The following MANBAL variants were observed in gnomAD, a reference collection of about 807,000 sequenced individuals.
MANBAL encodes protein MANBAL.
Under a neutral mutation model 6.4 loss-of-function variants are expected in MANBAL, and 1 was observed. That is an observed-to-expected ratio of 0.16 (90% CI 0.06 to 0.74). MANBAL has a LOEUF of 0.74. Ranked by LOEUF, MANBAL falls within the 30% of genes least tolerant of loss-of-function variation. The probability of loss-of-function intolerance (pLI) is 0.78; values close to 1 mark genes in which losing one functional copy is unlikely to be tolerated. For missense variants in MANBAL, 100 were observed against 107.8 expected (o/e 0.93, Z 0.32); for synonymous variants, 47 against 45.8 (o/e 1.03, Z -0.10).
At chr20:37,290,619 C>T (rs995234072) in intron 1 of MANBAL, among the ~76,000 whole-genome samples, 8 of 152,030 alleles carry the variant, frequency 5.3e-5, no homozygotes, top group Non-Finnish European at 1.0e-4. Flanking sequence ...CCACCACGCC[C>T]GGCTAATTTT....
chr20:37,316,260 T>C, intron 2 of MANBAL, 48 bp from the exon 3 acceptor site: 1 of 1,552,890 alleles, frequency 6.4e-7, no homozygotes, highest in Non-Finnish European at 8.8e-7. Context: ...TTTGCTGGCG[T>C]CAGGCTTGAT....
At chr20:37,316,219 C>A in intron 2 of MANBAL, 89 bp from the exon 3 acceptor site, 1 of 1,205,756 alleles carries the variant, frequency 8.3e-7, no homozygotes, top group Non-Finnish European at 1.2e-6. Context: ...GTTTCTGTGG[C>A]ATGCTTCTTT....
intron 1 of MANBAL, 108 bp from the exon 2 acceptor site, chr20:37,301,100 C>T (rs564183550): frequency 7.0e-5 from 44 of 625,540 alleles, no homozygotes; most frequent in East Asian, 1.7e-4. Flanking sequence ...CATGCCATTG[C>T]ACTCCAGCCT....
chr20:37,306,740 T>C (rs2069267389), intron 2 of MANBAL, among the ~76,000 whole-genome samples: 1 of 152,188 alleles, frequency 6.6e-6, no homozygotes, highest in African/African-American at 2.4e-5. Context: ...GTGGCCATGG[T>C]GAAAAGGATT....
At chr20:37,302,055 T>G (rs530768438) in intron 2 of MANBAL, among the ~76,000 whole-genome samples, 26 of 152,320 alleles carry the variant, frequency 1.7e-4, no homozygotes, top group African/African-American at 6.3e-4. Context: ...CATGGTCAAA[T>G]TGGCTTTTTT....
intron 2 of MANBAL, among the ~76,000 whole-genome samples, chr20:37,308,440 G>C (rs1325015830): frequency 6.6e-6 from 1 of 152,166 alleles, no homozygotes; most frequent in Non-Finnish European, 1.5e-5. Context: ...AGCCAGCCTA[G>C]TCTGACACCA....
chr20:37,300,751 A>T (rs2069115023), intron 1 of MANBAL, among the ~76,000 whole-genome samples: 1 of 152,212 alleles, frequency 6.6e-6, no homozygotes, highest in Non-Finnish European at 1.5e-5. Context: ...AGAATGGTTC[A>T]TTGACTGACC....
rs1250032564 is a variant in MANBAL, at chr20:37,308,065, C to T, written c.150+6652C>T. On this transcript the variant is annotated intron_variant, in intron 2 of 2. Coordinates refer to ENST00000373606, the MANE Select transcript of MANBAL (RefSeq NM_001003897.2). Reference sequence around the variant, plus strand: ...GTCTTTTGCTTTTCTAACTAGGACCCTGCTTCTCTGCTTGCTGGCCCTGTG... The same window carrying T: ...GTCTTTTGCTTTTCTAACTAGGACCTTGCTTCTCTGCTTGCTGGCCCTGTG... Among the ~76,000 whole-genome samples, 3 of 152,202 alleles carry T rather than the reference C, an allele frequency of 2.0e-5. No homozygotes were observed. In the East Asian group the frequency reaches 5.8e-4, roughly 29 times the overall value.
intron 1 of MANBAL, among the ~76,000 whole-genome samples, chr20:37,291,286 A>ATGT (rs139402225): frequency 0.01 from 1,578 of 152,322 alleles, 32 homozygotes; most frequent in African/African-American, 0.035. Context: ...AATATCTGAA[A>ATGT]TGTCACAATT....
At position 37,316,979 on chromosome 20, in the gene MANBAL, C is replaced by CA. The variant is rs1222648101; in HGVS notation, c.*565dup. 6.6e-6 allele frequency: 1 copy of CA among 152,616 alleles called. No individual in the cohort carries two copies. Among genetic ancestry groups the CA allele is most frequent in the African/African-American group, 2.4e-5 (1 of 41,374 alleles). 9.5% of individuals were successfully genotyped at this position (152,616 alleles called of 1,614,324 possible). ...AGAAAATGCCTGGCGTGAGAGCCAG[C>CA]AGACAGCCAGGCCAGGGTAGGCAGT... On this transcript the variant is annotated 3_prime_UTR_variant, in exon 3 of 3. Transcript: ENST00000373606.
intron 2 of MANBAL, among the ~76,000 whole-genome samples, 167 bp from the exon 3 acceptor site, chr20:37,316,141 G>C (rs1435119805): frequency 6.6e-6 from 1 of 152,184 alleles, no homozygotes; most frequent in Non-Finnish European, 1.5e-5. Flanking sequence ...TGAGAGCCAC[G>C]ATGCTCCGGG....
intron 2 of MANBAL, among the ~76,000 whole-genome samples, chr20:37,312,318 C>A (rs956874870): frequency 6.6e-6 from 1 of 152,144 alleles, no homozygotes; most frequent in East Asian, 1.9e-4. Context: ...GCTGTACTTA[C>A]CATTCCAGAG....
At chr20:37,296,898 T>C (rs546076987) in intron 1 of MANBAL, 1 of 152,340 alleles carries the variant, frequency 6.6e-6, no homozygotes, top group South Asian at 2.1e-4. Flanking sequence ...CAGGGGCTTT[T>C]GTCCTCTGCT....
At chr20:37,314,953 GA>G (rs2069472185) in intron 2 of MANBAL, among the ~76,000 whole-genome samples, 2 of 152,232 alleles carry the variant, frequency 1.3e-5, no homozygotes. Context: ...GTTGGGAAAT[GA>G]AACACAGAGG....
chr20:37,307,082 C>T (rs759165202), intron 2 of MANBAL, among the ~76,000 whole-genome samples: 2 of 152,208 alleles, frequency 1.3e-5, no homozygotes, highest in African/African-American at 2.4e-5. Flanking sequence ...CGTCCTCTGC[C>T]TCCTCAGTAG....
At chr20:37,315,581 A>G (rs1382895164) in intron 2 of MANBAL, among the ~76,000 whole-genome samples, 1 of 152,210 alleles carries the variant, frequency 6.6e-6, no homozygotes, top group Non-Finnish European at 1.5e-5. Context: ...TCAATCTTAC[A>G]AGGGACAAAT....
intron 1 of MANBAL, among the ~76,000 whole-genome samples, chr20:37,292,123 T>C (rs932434237): frequency 1.1e-4 from 17 of 152,208 alleles, no homozygotes; most frequent in African/African-American, 4.1e-4. Flanking sequence ...TCCTGCACTT[T>C]CCGCACTGTA....
intron 2 of MANBAL, among the ~76,000 whole-genome samples, chr20:37,302,827 C>T (rs999587141): frequency 1.3e-5 from 2 of 151,750 alleles, no homozygotes; most frequent in African/African-American, 4.8e-5. Context: ...AGTGGGAGCC[C>T]CTTTAAGTTG....
At chr20:37,298,501 G>A (rs1189685902) in intron 1 of MANBAL, among the ~76,000 whole-genome samples, 1 of 152,228 alleles carries the variant, frequency 6.6e-6, no homozygotes, top group African/African-American at 2.4e-5. Context: ...TTGTCCTTTT[G>A]TGTCTAGCTT....
Sources: gnomAD v4.1 joint callset for allele counts (sites outside exome capture counted in the v4.1 genomes callset) on GRCh38, gnomAD v4.1.1 for gene constraint, MANE v1.5 for transcripts, NCBI Gene and HGNC (gene_info 2026-07-23, HGNC 2026-07-21) for gene names.